Variants in ADAM12 observed in about 807,000 individuals in gnomAD.
The protein encoded by ADAM12 is disintegrin and metalloproteinase domain-containing protein 12.
ADAM12 carries 70 observed loss-of-function variants against 106.4 expected under a neutral mutation model. That is an observed-to-expected ratio of 0.66 (90% CI 0.54 to 0.80). The LOEUF (loss-of-function observed/expected upper bound fraction) is 0.80, where lower values mean the gene tolerates loss of function less well. Among genes scored for constraint, ADAM12 ranks in the 30% least tolerant of loss-of-function variants. The pLI, the probability that ADAM12 is intolerant of heterozygous loss-of-function variation, is 0.00. For missense variants in ADAM12, 1,010 were observed against 1,171.9 expected, an observed-to-expected ratio of 0.86 and a Z score of 2.02; for synonymous variants, 420 against 433.5, an observed-to-expected ratio of 0.97 and a Z score of 0.39.
intron 21 of ADAM12, among the ~76,000 whole-genome samples, chr10:126,032,765 C>T (rs998946672): frequency 3.3e-5 from 5 of 152,064 alleles, no homozygotes; most frequent in Non-Finnish European, 5.9e-5. Context: ...AGTCCACGGA[C>T]CAGAAAAGTT....
intron 3 of ADAM12, among the ~76,000 whole-genome samples, chr10:126,192,287 T>A (rs58549024): frequency 8.5e-5 from 13 of 152,150 alleles, no homozygotes; most frequent in African/African-American, 2.7e-4. Context: ...ATAAAATGTG[T>A]AGAATAGTGC....
At chr10:126,361,301 G>A (rs1215542534) in intron 1 of ADAM12, among the ~76,000 whole-genome samples, 1 of 152,046 alleles carries the variant, frequency 6.6e-6, no homozygotes, top group Non-Finnish European at 1.5e-5. Context: ...ATAAATAAAT[G>A]AAAGATAGTC....
chr10:126,267,695 T>A (rs1959126313), intron 3 of ADAM12, among the ~76,000 whole-genome samples: 1 of 152,056 alleles, frequency 6.6e-6, no homozygotes. Flanking sequence ...CAGATACTCA[T>A]CCCCTGCTGT....
chr10:126,042,293 C>CA, intron 18 of ADAM12: 2 of 1,595,858 alleles, frequency 1.3e-6, no homozygotes, highest in Admixed American at 1.7e-5. Flanking sequence ...AATAAGAACT[C>CA]AGAGAAAACA....
At chr10:126,071,143 C>T (rs1056393254) in intron 12 of ADAM12, among the ~76,000 whole-genome samples, 1 of 152,186 alleles carries the variant, frequency 6.6e-6, no homozygotes, top group Non-Finnish European at 1.5e-5. Context: ...TGCTTATTAG[C>T]TATTTGAAGC....
At chr10:126,119,755 T>C (rs1956051150) in intron 5 of ADAM12, among the ~76,000 whole-genome samples, 1 of 152,224 alleles carries the variant, frequency 6.6e-6, no homozygotes, top group African/African-American at 2.4e-5. Context: ...TCTGACCTTC[T>C]GGAGCTCACA....
chr10:126,252,138 G>A (rs1280208581), intron 3 of ADAM12, among the ~76,000 whole-genome samples: 4 of 150,150 alleles, frequency 2.7e-5, no homozygotes, highest in African/African-American at 7.3e-5. Context: ...GGATGGACAG[G>A]ATGGATGGGT....
At chr10:126,196,709 T>C (rs868434703) in intron 3 of ADAM12, among the ~76,000 whole-genome samples, 1 of 152,162 alleles carries the variant, frequency 6.6e-6, no homozygotes, top group Admixed American at 6.5e-5. Context: ...TAAATTTGTG[T>C]AGTAAAAGTC....
chr10:126,146,563 C>T (rs903429745), intron 4 of ADAM12, among the ~76,000 whole-genome samples: 5 of 152,146 alleles, frequency 3.3e-5, no homozygotes, highest in Non-Finnish European at 7.3e-5. Context: ...AGACCCCCAG[C>T]TGACAGAAAA....
At chr10:126,288,363 C>G (rs2133773403) in intron 2 of ADAM12, among the ~76,000 whole-genome samples, 1 of 152,316 alleles carries the variant, frequency 6.6e-6, no homozygotes, top group South Asian at 2.1e-4. Context: ...TGGGTCCCAG[C>G]ACCCTCAGCT....
intron 5 of ADAM12, among the ~76,000 whole-genome samples, chr10:126,122,949 T>C (rs546378036): frequency 1.3e-5 from 2 of 152,366 alleles, no homozygotes; most frequent in South Asian, 4.1e-4. Context: ...AGCAAATTAC[T>C]GAAAAAGTTT....
At chr10:126,303,191 C>A (rs747068850) in intron 2 of ADAM12, among the ~76,000 whole-genome samples, 26 of 152,196 alleles carry the variant, frequency 1.7e-4, no homozygotes, top group Non-Finnish European at 3.5e-4. Flanking sequence ...TTTTTACATG[C>A]GTAAAATCCC....
At chr10:126,232,649 A>C (rs1369394112) in intron 3 of ADAM12, among the ~76,000 whole-genome samples, 1 of 152,170 alleles carries the variant, frequency 6.6e-6, no homozygotes, top group African/African-American at 2.4e-5. Context: ...TCAGGCCAGC[A>C]TCTTAGATAT....
At chr10:126,079,358 C>A (rs993613515) in intron 11 of ADAM12, among the ~76,000 whole-genome samples, 2 of 152,116 alleles carry the variant, frequency 1.3e-5, no homozygotes, top group African/African-American at 4.8e-5. Flanking sequence ...CCCCTGCCAA[C>A]CACGAATCTG....
intron 3 of ADAM12, among the ~76,000 whole-genome samples, chr10:126,186,754 C>T (rs964428221): frequency 5.3e-5 from 8 of 152,010 alleles, no homozygotes; most frequent in South Asian, 2.1e-4. Context: ...CAGAGGTGGC[C>T]GGGGCTGGAA....
intron 3 of ADAM12, among the ~76,000 whole-genome samples, chr10:126,161,561 T>C (rs1956935083): frequency 6.6e-6 from 1 of 152,322 alleles, no homozygotes. Context: ...ATAAGTGAAT[T>C]TGAGGAGCAT....
chr10:126,292,740 T>C (rs949709754), intron 2 of ADAM12, among the ~76,000 whole-genome samples: 3 of 152,246 alleles, frequency 2.0e-5, no homozygotes, highest in Admixed American at 1.3e-4. Context: ...ATCATATAAA[T>C]GAATGTGGCT....
At chr10:126,354,571 T>G (rs77810802) in intron 1 of ADAM12, among the ~76,000 whole-genome samples, 14 of 152,348 alleles carry the variant, frequency 9.2e-5, no homozygotes, top group African/African-American at 2.9e-4. Context: ...CAATTGTACA[T>G]GCAAATTTCA....
At chr10:126,258,557 T>A (rs891509862) in intron 3 of ADAM12, among the ~76,000 whole-genome samples, 1 of 152,234 alleles carries the variant, frequency 6.6e-6, no homozygotes, top group Admixed American at 6.5e-5. Context: ...CTTCCCCTGG[T>A]GCAGGGTGGC....
Sources: gnomAD v4.1 joint callset for allele counts (sites outside exome capture counted in the v4.1 genomes callset) on GRCh38, gnomAD v4.1.1 for gene constraint, MANE v1.5 for transcripts, NCBI Gene and HGNC (gene_info 2026-07-23, HGNC 2026-07-21) for gene names.